Variants in PRKCE observed in about 807,000 individuals in gnomAD.
The protein encoded by PRKCE is protein kinase C epsilon type.
PRKCE carries 16 observed loss-of-function variants against 85.4 expected under a neutral mutation model. The observed-to-expected ratio is 0.19, with a 90% CI of 0.13 to 0.28. The LOEUF (loss-of-function observed/expected upper bound fraction) is 0.28, where lower values mean the gene tolerates loss of function less well. PRKCE is among the 10% of genes least tolerant of loss of function. PRKCE has a pLI of 1.00. For synonymous variants in PRKCE, 388 were observed against 371.5 expected (o/e 1.04, Z -0.51); for missense variants, 573 against 975.2 (o/e 0.59, Z 5.49).
intron 14 of PRKCE, among the ~76,000 whole-genome samples, chr2:46,177,034 G>A (rs1436975323): frequency 6.6e-6 from 1 of 152,212 alleles, no homozygotes; most frequent in Non-Finnish European, 1.5e-5. Flanking sequence ...AGAGAGGTAA[G>A]TTGCAGAATC....
chr2:45,932,087 C>T (rs544513127), intron 2 of PRKCE, among the ~76,000 whole-genome samples: 2 of 152,322 alleles, frequency 1.3e-5, no homozygotes, highest in African/African-American at 4.8e-5. Flanking sequence ...CAGCCCCCTC[C>T]ATCCTCTCTT....
intron 1 of PRKCE, among the ~76,000 whole-genome samples, chr2:45,793,451 C>G (rs575148518): frequency 3.3e-5 from 5 of 152,048 alleles, no homozygotes; most frequent in Non-Finnish European, 7.4e-5. Flanking sequence ...CTTTGGAAAC[C>G]CTGAGAGCTG....
At chr2:46,088,216 T>A (rs1219153062) in intron 11 of PRKCE, among the ~76,000 whole-genome samples, 1 of 152,216 alleles carries the variant, frequency 6.6e-6, no homozygotes, top group Non-Finnish European at 1.5e-5. Context: ...CAGCTTCATA[T>A]ACCTTTCTCT....
intron 11 of PRKCE, among the ~76,000 whole-genome samples, chr2:46,132,640 G>A (rs768751092): frequency 5.3e-5 from 8 of 152,082 alleles, no homozygotes; most frequent in Non-Finnish European, 1.0e-4. Context: ...ACAGGTCTAG[G>A]CCCATAACAG....
intron 14 of PRKCE, among the ~76,000 whole-genome samples, chr2:46,168,205 C>G (rs995021201): frequency 5.9e-5 from 9 of 152,172 alleles, no homozygotes; most frequent in African/African-American, 2.2e-4. Context: ...CTAAGCTTTT[C>G]TTTGTGTCTT....
At chr2:45,803,795 A>G (rs1688046082) in intron 1 of PRKCE, among the ~76,000 whole-genome samples, 1 of 152,182 alleles carries the variant, frequency 6.6e-6, no homozygotes, top group African/African-American at 2.4e-5. Flanking sequence ...CTTCCCTCCA[A>G]AATATTGTAT....
rs546286213 is a variant in PRKCE, at chr2:45,823,055, A to C, written c.349-19945A>C. On this transcript the variant is annotated intron_variant, in intron 1 of 14. Transcript: ENST00000306156. ...ATTGACCAGGTGCCATGCTAGGCCCAGGGGAAACAAAGAGGTATGGACTCT... is the reference window on the plus strand; with the variant it reads ...ATTGACCAGGTGCCATGCTAGGCCCCGGGGAAACAAAGAGGTATGGACTCT... 4.6e-5 allele frequency among the ~76,000 whole-genome samples: 7 copies of C among 152,330 alleles called. No individual in the cohort carries two copies. The East Asian group carries it at 1.2e-3, about 25-fold the overall frequency.
chr2:46,102,626 C>G (rs1671350029), intron 11 of PRKCE, among the ~76,000 whole-genome samples: 1 of 152,194 alleles, frequency 6.6e-6, no homozygotes, highest in African/African-American at 2.4e-5. Context: ...TGTCATGTCT[C>G]CTTCAGCTCT....
rs989834433 is a variant in PRKCE at position 45,907,537 on chromosome 2, C to T, written c.412+64474C>T. The stretch of plus-strand genomic sequence containing the variant: ...TCATCGCAGGCCCTGTTCATCTCTC[C>T]GGGCAGTGGCATAGCAGGCAGTGAG... On this transcript the variant is annotated intron_variant, in intron 2 of 14. Transcript: ENST00000306156. The surrounding 1 kb of genome is among the most constrained non-coding windows in gnomAD (Gnocchi z 4.5). 3.3e-5 allele frequency among the ~76,000 whole-genome samples: 5 copies of T among 152,202 alleles called. No homozygotes were observed. The highest frequency in any genetic ancestry group is 6.5e-5 in the Admixed American group (1 of 15,280).
At chr2:45,959,537 G>A (rs1239725809) in intron 2 of PRKCE, among the ~76,000 whole-genome samples, 3 of 152,164 alleles carry the variant, frequency 2.0e-5, no homozygotes, top group African/African-American at 7.2e-5. Flanking sequence ...TGTGGCCTCA[G>A]TATTGAGGAG....
intron 13 of PRKCE, among the ~76,000 whole-genome samples, chr2:46,154,105 T>G (rs1676949960): frequency 6.6e-6 from 1 of 152,126 alleles, no homozygotes; most frequent in African/African-American, 2.4e-5. Context: ...GGGCTTCTTA[T>G]GCCACGAGAG....
At chr2:45,894,246 C>G (rs1034320602) in intron 2 of PRKCE, among the ~76,000 whole-genome samples, 1 of 151,378 alleles carries the variant, frequency 6.6e-6, no homozygotes, top group African/African-American at 2.4e-5. Context: ...TCACTGGGGG[C>G]GGGTTGGGGA....
chr2:45,677,491 G>A (rs1410936211), intron 1 of PRKCE, among the ~76,000 whole-genome samples: 2 of 152,006 alleles, frequency 1.3e-5, no homozygotes, highest in African/African-American at 2.4e-5. Flanking sequence ...CGAGTAGCTG[G>A]GACTACAGGC....
At chr2:46,136,674 G>T (rs2104440041) in intron 11 of PRKCE, among the ~76,000 whole-genome samples, 1 of 152,242 alleles carries the variant, frequency 6.6e-6, no homozygotes, top group South Asian at 2.1e-4. Context: ...GAAGTTGAAG[G>T]GTCTGGAAGC....
At chr2:45,881,387 T>C (rs1379938363) in intron 2 of PRKCE, among the ~76,000 whole-genome samples, 2 of 152,198 alleles carry the variant, frequency 1.3e-5, no homozygotes, top group Admixed American at 1.3e-4. Context: ...AACACTTAGA[T>C]GGACACATTT....
chr2:45,929,839 G>A (rs1032721396), intron 2 of PRKCE, among the ~76,000 whole-genome samples: 2 of 151,240 alleles, frequency 1.3e-5, no homozygotes, highest in Non-Finnish European at 2.9e-5. Flanking sequence ...GTGCCATATT[G>A]TGGGTGATTC....
intron 1 of PRKCE, among the ~76,000 whole-genome samples, chr2:45,690,966 G>A (rs773017238): frequency 7.9e-5 from 12 of 152,230 alleles, no homozygotes; most frequent in Non-Finnish European, 1.8e-4. Flanking sequence ...TTTGGAAATA[G>A]TTTTATGTTT....
chr2:45,943,155 T>G (rs1373283598), intron 2 of PRKCE, among the ~76,000 whole-genome samples: 1 of 152,252 alleles, frequency 6.6e-6, no homozygotes, highest in Non-Finnish European at 1.5e-5. Context: ...TAAGAGCTCA[T>G]TTTAGGTAAT....
chr2:45,922,994 A>G (rs1466376627), intron 2 of PRKCE, among the ~76,000 whole-genome samples: 1 of 152,174 alleles, frequency 6.6e-6, no homozygotes. Context: ...TTTCCTCAAG[A>G]TATAAGAGGA....
Sources: gnomAD v4.1 joint callset for allele counts (sites outside exome capture counted in the v4.1 genomes callset) on GRCh38, gnomAD v4.1.1 for gene constraint, Gnocchi (gnomAD v3.1) non-coding constraint, MANE v1.5 for transcripts, NCBI Gene and HGNC (gene_info 2026-07-23, HGNC 2026-07-21) for gene names.